ARID4B: variants seen among roughly 807,000 people sequenced by gnomAD.
ARID4B encodes AT-rich interactive domain-containing protein 4B.
In ARID4B, 26 loss-of-function variants were observed where a neutral mutation model predicts 147.5. The observed-to-expected ratio is 0.18, with a 90% confidence interval of 0.13 to 0.24. ARID4B has a LOEUF of 0.24. ARID4B is among the 10% of genes least tolerant of loss of function. ARID4B has a pLI of 1.00. For synonymous variants in ARID4B, 512 were observed against 507.9 expected (o/e 1.01, Z -0.11); for missense variants, 1,179 against 1,511.5 (o/e 0.78, Z 3.65).
intron 17 of ARID4B, among the ~76,000 whole-genome samples, chr1:235,204,417 G>A (rs1029874618): frequency 5.9e-5 from 9 of 152,148 alleles, no homozygotes; most frequent in Admixed American, 3.9e-4. Flanking sequence ...GAGAGACAGC[G>A]ATGGTATTCC....
chr1:235,173,493 T>C (rs1480100986), intron 22 of ARID4B, among the ~76,000 whole-genome samples: 2 of 151,834 alleles, frequency 1.3e-5, no homozygotes, highest in Admixed American at 1.3e-4. Flanking sequence ...AAAGAGTGTG[T>C]AAAAATTTAA....
chr1:235,307,147 A>G (rs1673631503), intron 2 of ARID4B, among the ~76,000 whole-genome samples: 2 of 152,200 alleles, frequency 1.3e-5, no homozygotes, highest in Non-Finnish European at 2.9e-5. Flanking sequence ...CCATACAAGT[A>G]AATAGAAAAT....
In ARID4B at chr1:235,302,935, C is replaced by CTTTTT. The variant is rs71172294; in HGVS notation, c.6+23974_6+23978dup. On this transcript the variant is annotated intron_variant, in intron 2 of 23. Coordinates refer to ENST00000264183, the MANE Select transcript of ARID4B (RefSeq NM_016374.6). ...TGAGAGTTTATATTCTTCTTTTTTT[C>CTTTTT]TTTTTTTTGAGACGGAGTCTCGCTC... Among the ~76,000 whole-genome samples the CTTTTT allele has an allele frequency of 5.1e-4, 76 of 149,926 alleles. 1 individual carries two copies. The highest frequency in any genetic ancestry group is 2.0e-3 in the Admixed American group (30 of 15,058).
chr1:235,228,540 C>T (rs1269556487), intron 11 of ARID4B: 2 of 151,606 alleles, frequency 1.3e-5, no homozygotes, highest in African/African-American at 4.8e-5. Context: ...TGGTCTCAAA[C>T]TCCTGAGTTC....
At chr1:235,246,545 AAC>A in intron 6 of ARID4B, 34 bp from the exon 7 acceptor site, 6 of 1,479,838 alleles carry the variant, frequency 4.1e-6, no homozygotes, top group Non-Finnish European at 4.7e-6. Context: ...TCAAAAAATT[AAC>A]ACTTTGCAAG....
intron 2 of ARID4B, among the ~76,000 whole-genome samples, chr1:235,278,483 C>T (rs1198958275): frequency 6.6e-6 from 1 of 152,078 alleles, no homozygotes; most frequent in Non-Finnish European, 1.5e-5. Context: ...ATTTCCCTTG[C>T]CAATCCATTT....
intron 17 of ARID4B, among the ~76,000 whole-genome samples, chr1:235,206,701 G>A (rs931431800): frequency 3.9e-5 from 6 of 152,174 alleles, no homozygotes; most frequent in Admixed American, 2.6e-4. Flanking sequence ...GATAAGGTAC[G>A]TAAGAGGGCA....
chr1:235,169,541 T>C (rs1383583596), intron 23 of ARID4B, among the ~76,000 whole-genome samples: 1 of 151,374 alleles, frequency 6.6e-6, no homozygotes, highest in Non-Finnish European at 1.5e-5. Context: ...GCGCCCAGCC[T>C]GTTTGTTTTT....
intron 3 of ARID4B, among the ~76,000 whole-genome samples, chr1:235,258,028 T>C (rs1670090779): frequency 6.6e-6 from 1 of 152,078 alleles, no homozygotes; most frequent in South Asian, 2.1e-4. Flanking sequence ...TCCCATTTTG[T>C]TGATAAGAAA....
intron 12 of ARID4B, among the ~76,000 whole-genome samples, chr1:235,224,452 G>C (rs1375677713): frequency 1.3e-5 from 2 of 152,078 alleles, no homozygotes; most frequent in Non-Finnish European, 2.9e-5. Context: ...ATAGGTAAAG[G>C]GATTGGCAGG....
In ARID4B at chr1:235,316,913, G is replaced by A. The variant is rs571817914; in HGVS notation, c.6+10001C>T. 1.1e-3 allele frequency among the ~76,000 whole-genome samples: 172 copies of A among 152,272 alleles called. 1 individual carries two copies. Among genetic ancestry groups the A allele is most frequent in the African/African-American group, 4.1e-3 (169 of 41,552 alleles). ...CTACAAAAACTGAAACTTTTTCAGT[G>A]TTCATGTTACACCAAAGGGAAATGC... On this transcript the variant is annotated intron_variant, in intron 2 of 23. Coordinates refer to ENST00000264183, the MANE Select transcript of ARID4B (RefSeq NM_016374.6).
At chr1:235,175,140 C>T in intron 22 of ARID4B, 44 bp downstream of exon 22, 2 of 1,517,226 alleles carry the variant, frequency 1.3e-6, no homozygotes, top group Non-Finnish European at 1.8e-6. Context: ...AAAAGAGTTA[C>T]TAGGATGAAG....
At chr1:235,196,695 T>C (rs985217667) in intron 17 of ARID4B, among the ~76,000 whole-genome samples, 28 of 151,556 alleles carry the variant, frequency 1.8e-4, no homozygotes, top group African/African-American at 6.6e-4. Context: ...CTACTAAAAA[T>C]ACAAAAAATT....
chr1:235,220,247 G>T, intron 15 of ARID4B, 55 bp downstream of exon 15: 1 of 1,489,542 alleles, frequency 6.7e-7, no homozygotes, highest in East Asian at 2.3e-5. Context: ...ACTTTATAGA[G>T]GATATGGAAA....
chr1:235,209,880 T>TA (rs1334630566), intron 17 of ARID4B, among the ~76,000 whole-genome samples: 1 of 152,120 alleles, frequency 6.6e-6, no homozygotes, highest in African/African-American at 2.4e-5. Context: ...ACAGTATTTT[T>TA]AAACAAAAAG....
At chr1:235,207,885 C>T (rs114497616) in intron 17 of ARID4B, among the ~76,000 whole-genome samples, 2,889 of 152,216 alleles carry the variant, frequency 0.019, 70 homozygotes, top group African/African-American at 0.054. Context: ...TTTTTAATTT[C>T]AAATAATATA....
Position 235,260,481 on chromosome 1 carries a change from T to C in ARID4B, c.117+161A>G, listed in dbSNP as rs183536214. On this transcript the variant is annotated intron_variant, in intron 3 of 23. Coordinates refer to ENST00000264183, the MANE Select transcript of ARID4B (RefSeq NM_016374.6). ...TGATAATCTAATTTCTTTCCAATTA[T>C]AATACTTTTAAAATAACAAAAAATG... is the stretch of plus-strand genomic sequence containing the variant. Among the ~76,000 whole-genome samples, 264 of 152,362 alleles carry C rather than the reference T, an allele frequency of 1.7e-3. No homozygotes were observed. Among genetic ancestry groups the C allele is most frequent in the African/African-American group, 5.9e-3 (247 of 41,586 alleles).
chr1:235,236,106 T>A (rs748172177), intron 8 of ARID4B, among the ~76,000 whole-genome samples: 1 of 152,030 alleles, frequency 6.6e-6, no homozygotes, highest in African/African-American at 2.4e-5. Flanking sequence ...TGTTTTCTTA[T>A]GATGTTACTA....
At chr1:235,294,950 T>C (rs1176549477) in intron 2 of ARID4B, among the ~76,000 whole-genome samples, 1 of 151,606 alleles carries the variant, frequency 6.6e-6, no homozygotes, top group Non-Finnish European at 1.5e-5. Flanking sequence ...ACTGCTGACA[T>C]AAATACACAG....
Sources: allele counts gnomAD v4.1 joint callset (sites outside exome capture counted in the v4.1 genomes callset), GRCh38; gene constraint gnomAD v4.1.1; transcripts MANE v1.5; gene names NCBI Gene and HGNC (gene_info 2026-07-23, HGNC 2026-07-21).